The following ANAPC2 variants were observed in gnomAD, a reference collection of about 807,000 sequenced individuals.
ANAPC2 encodes the protein anaphase promoting complex subunit 2.
ANAPC2 carries 29 observed loss-of-function variants against 84.3 expected under a neutral mutation model. The observed-to-expected ratio is 0.34, with a 90% confidence interval of 0.26 to 0.47. The LOEUF (loss-of-function observed/expected upper bound fraction) is 0.47. ANAPC2 is among the 20% of genes least tolerant of loss of function. The probability of loss-of-function intolerance (pLI) is 1.00; values close to 1 mark genes in which losing one functional copy is unlikely to be tolerated. For synonymous variants in ANAPC2, 571 were observed against 479.4 expected, an observed-to-expected ratio of 1.19 and a Z score of -2.50; for missense variants, 857 against 1,131.7, an observed-to-expected ratio of 0.76 and a Z score of 3.48.
Position 137,183,091 on chromosome 9 carries a change from TCCCAGTGGCTCCTGGGCC to T in ANAPC2, c.1286+16_1286+33del. ...GAGGAGCTCAGCAGGATGCCCAGGG[TCCCAGTGGCTCCTGGGCC>T]AGCTGCAGCCCTCACCTCAGGTAGC... On this transcript the variant is annotated intron_variant, in intron 6 of 12. Coordinates refer to ENST00000323927, the MANE Select transcript of ANAPC2 (RefSeq NM_013366.4). 3 of 1,537,342 alleles carry T rather than the reference TCCCAGTGGCTCCTGGGCC, an allele frequency of 2.0e-6. No individual in the cohort carries two copies. The highest frequency in any genetic ancestry group is 2.7e-6 in the Non-Finnish European group (3 of 1,112,522).
chr9:137,181,612 G>C, intron 7 of ANAPC2, 69 bp downstream of exon 7: 2 of 1,460,812 alleles, frequency 1.4e-6, no homozygotes, highest in Non-Finnish European at 1.8e-6. Flanking sequence ...CAAGGGATGA[G>C]TCCAGAGCGG....
intron 3 of ANAPC2, among the ~76,000 whole-genome samples, chr9:137,185,766 C>T (rs1834452141): frequency 6.6e-6 from 1 of 152,214 alleles, no homozygotes; most frequent in Non-Finnish European, 1.5e-5. Flanking sequence ...CCCCAGACCA[C>T]ACCCCAACAG....
At chr9:137,179,094 C>T (rs531989122) in intron 10 of ANAPC2, among the ~76,000 whole-genome samples, 19 of 152,334 alleles carry the variant, frequency 1.2e-4, no homozygotes, top group African/African-American at 2.9e-4. Context: ...GGCCTCCTGG[C>T]GGCTCTGTCC....
intron 11 of ANAPC2, 76 bp downstream of exon 11, chr9:137,175,632 C>G: frequency 1.3e-6 from 2 of 1,543,280 alleles, no homozygotes; most frequent in Non-Finnish European, 1.8e-6. Flanking sequence ...AAACCACACC[C>G]TCACTGGGGA....
chr9:137,185,469 T>C (rs1287301084), intron 3 of ANAPC2, among the ~76,000 whole-genome samples: 1 of 151,738 alleles, frequency 6.6e-6, no homozygotes, highest in African/African-American at 2.4e-5. Context: ...AGCACAAACC[T>C]CTAGGTGGCA....
At chr9:137,184,788 G>A (rs1241719656) in intron 4 of ANAPC2, 125 bp downstream of exon 4, 6 of 1,258,408 alleles carry the variant, frequency 4.8e-6, no homozygotes, top group African/African-American at 4.6e-5. Context: ...AGCCCCAGAC[G>A]CAGACACAGA....
In ANAPC2 at chr9:137,180,834, G is replaced by C; in HGVS notation, c.1564C>G (p.Leu522Val). ...KDLFINEYRS[L>V]LADRLLHQFS... ...TGGTGCAGCAGGCGGTCGGCCAGCA[G>C]CGAGCGGTACTCATTGATGAAGAGG... The change falls in exon 8 of 13, where the codon CTG (leucine) becomes GTG (valine). Residue 522 changes from leucine (L) to valine (V), a missense_variant. This residue lies in a region of ANAPC2 where 425 missense variants were observed against 595.5 expected (regional missense o/e 0.71). Coordinates refer to ENST00000323927, the MANE Select transcript of ANAPC2 (RefSeq NM_013366.4). 1 of 1,612,882 alleles carries C rather than the reference G, an allele frequency of 6.2e-7. No homozygotes were observed. Among genetic ancestry groups the C allele is most frequent in the East Asian group, 2.2e-5 (1 of 44,890 alleles).
At chr9:137,182,335 AC>A in intron 6 of ANAPC2, among the ~76,000 whole-genome samples, 1 of 152,262 alleles carries the variant, frequency 6.6e-6, no homozygotes, top group Admixed American at 6.5e-5. Context: ...ACATGGTGAA[AC>A]CCCATCTCTA....
chr9:137,178,638 A>C (rs1834274188), intron 10 of ANAPC2, among the ~76,000 whole-genome samples: 1 of 152,168 alleles, frequency 6.6e-6, no homozygotes, highest in Non-Finnish European at 1.5e-5. Context: ...CAGAGACACC[A>C]GGCTGTATCA....
intron 10 of ANAPC2, among the ~76,000 whole-genome samples, chr9:137,177,734 A>G (rs1462077824): frequency 4.6e-5 from 7 of 152,284 alleles, no homozygotes; most frequent in Non-Finnish European, 1.0e-4. Context: ...GGTGCCTCTG[A>G]TGAGATCTTA....
In ANAPC2 at chr9:137,183,776, C is replaced by A. The variant is rs769202387; in HGVS notation, c.1064G>T (p.Arg355Leu). ...FSIVRDFPDS[R>L]PAIEDLKYCL... ...GTACTTGAGGTCCTCGATGGCTGGC[C>A]GGGAGTCTGGGAAGTCTACAAGAAG... is the stretch of plus-strand genomic sequence containing the variant. Residue 355 changes from arginine (R) to leucine (L), a missense_variant, in exon 5 of 13, where the codon CGG (arginine) becomes CTG (leucine). Arg to Leu is a moderately radical substitution (Grantham distance 102). Coordinates refer to ENST00000323927, the MANE Select transcript of ANAPC2 (RefSeq NM_013366.4). 6.2e-7 allele frequency: 1 copy of A among 1,613,210 alleles called. No individual in the cohort carries two copies. Among genetic ancestry groups the A allele is most frequent in the South Asian group, 1.1e-5 (1 of 91,078 alleles).
intron 6 of ANAPC2, among the ~76,000 whole-genome samples, chr9:137,182,080 G>A (rs960688272): frequency 2.6e-5 from 4 of 152,208 alleles, no homozygotes; most frequent in African/African-American, 9.7e-5. Flanking sequence ...GCGCAAGGCC[G>A]GCCTGCGCAC....
chr9:137,184,430 C>T lies in ANAPC2; in HGVS notation c.1048+483G>A, dbSNP rs532028519. Among the ~76,000 whole-genome samples, 10 of 145,192 alleles carry T rather than the reference C, an allele frequency of 6.9e-5. No individual in the cohort carries two copies. In the East Asian group the frequency reaches 2.1e-3, roughly 30 times the overall value. ...GACACAGGGAGCCCAGACGCAGACACAGAGCAGACACGGTGAAGGCACAGG... is the reference window on the plus strand; with the variant it reads ...GACACAGGGAGCCCAGACGCAGACATAGAGCAGACACGGTGAAGGCACAGG... On this transcript the variant is annotated intron_variant, in intron 4 of 12. Coordinates refer to ENST00000323927, the MANE Select transcript of ANAPC2 (RefSeq NM_013366.4).
intron 10 of ANAPC2, among the ~76,000 whole-genome samples, chr9:137,177,736 G>A (rs989864020): frequency 1.3e-5 from 2 of 152,186 alleles, no homozygotes; most frequent in African/African-American, 4.8e-5. Context: ...TGCCTCTGAT[G>A]AGATCTTATT....
At chr9:137,188,273 G>T in intron 1 of ANAPC2, 143 bp downstream of exon 1, 1 of 1,291,098 alleles carries the variant, frequency 7.7e-7, no homozygotes, top group Non-Finnish European at 1.0e-6. Context: ...TGAACGAAAC[G>T]AAACGGAAAG....
rs1369187312 is a variant in ANAPC2, at chr9:137,175,018, T to C, written c.2393A>G (p.Tyr798Cys). Reference protein sequence around the residue: ...AEIDLQELQGYLQKKVRDQQL... With the variant: ...AEIDLQELQGCLQKKVRDQQL... ...CTGGTCCCGCACCTTCTTCTGCAGG[T>C]AGCCCTGCAGCTCCTGCAGGTCAAT... Residue 798 changes from tyrosine (Y) to cysteine (C), a missense_variant, in exon 13 of 13, where the codon TAC becomes TGC. Physicochemically the swap from Tyr to Cys is radical, Grantham distance 194 (BLOSUM62 -2). Transcript: ENST00000323927. The C allele has an allele frequency of 6.2e-7, 1 of 1,604,162 alleles. No homozygotes were observed. The highest frequency in any genetic ancestry group is 8.5e-7 in the Non-Finnish European group (1 of 1,176,330).
chr9:137,182,716 T>A (rs1326046153), intron 6 of ANAPC2, among the ~76,000 whole-genome samples: 1 of 152,036 alleles, frequency 6.6e-6, no homozygotes, highest in Non-Finnish European at 1.5e-5. Context: ...TCCCAACACA[T>A]TCTCCACCGA....
Position 137,188,006 on chromosome 9 carries a change from T to A in ANAPC2, c.215A>T (p.Glu72Val). Residue 72 changes from glutamate (E) to valine (V), a missense_variant, in exon 2 of 13, where the codon GAG becomes GTG. By Grantham distance (121) the Glu-to-Val change is moderately radical. Coordinates refer to ENST00000323927, the MANE Select transcript of ANAPC2 (RefSeq NM_013366.4). ...CTGCAGCACCTCCACGAACCACTCC[T>A]CCAGGACCGAGTGTAGCCCGTGGCC... ...LRGHGLHSVL[E>V]EWFVEVLQND... 6.2e-7 allele frequency: 1 copy of A among 1,613,812 alleles called. No individual in the cohort carries two copies. The highest frequency in any genetic ancestry group is 1.1e-5 in the South Asian group (1 of 91,088).
In ANAPC2 at chr9:137,180,813, G is replaced by A. The variant is rs777825594; in HGVS notation, c.1585C>T (p.His529Tyr). The A allele has an allele frequency of 6.2e-7, 1 of 1,612,342 alleles. No individual in the cohort carries two copies. The highest frequency in any genetic ancestry group is 8.5e-7 in the Non-Finnish European group (1 of 1,179,902). ...CGCTCGGGGCTGAAGCTGAACTGGT[G>A]CAGCAGGCGGTCGGCCAGCAGCGAG... is the stretch of plus-strand genomic sequence containing the variant. ...YRSLLADRLL[H>Y]QFSFSPEREI... Residue 529 changes from histidine to tyrosine, a missense_variant, in exon 8 of 13, where the codon CAC becomes TAC. By Grantham distance (83) the His-to-Tyr change is moderately conservative. Around this residue, in one of 3 missense-constraint regions of ANAPC2, gnomAD observed 425 missense variants for 595.5 expected, o/e 0.71. Transcript: ENST00000323927.
Sources: allele counts gnomAD v4.1 joint callset (sites outside exome capture counted in the v4.1 genomes callset), GRCh38; gene constraint gnomAD v4.1.1; regional missense constraint gnomAD v4.1.1; transcripts MANE v1.5; gene names NCBI Gene and HGNC (gene_info 2026-07-23, HGNC 2026-07-21).